CUL5: variants seen among roughly 807,000 people sequenced by gnomAD.
CUL5 encodes cullin-5.
Under a neutral mutation model 108.8 loss-of-function variants are expected in CUL5, and 26 were observed. The ratio of observed to expected loss-of-function variants is 0.24; its 90% CI spans 0.18 to 0.33. The LOEUF is 0.33. CUL5 is among the 10% of genes least tolerant of loss of function. The probability of loss-of-function intolerance (pLI) is 1.00; values close to 1 mark genes in which losing one functional copy is unlikely to be tolerated. For synonymous variants in CUL5, 334 were observed against 298.0 expected, an observed-to-expected ratio of 1.12 and a Z score of -1.25; for missense variants, 524 against 909.2, an observed-to-expected ratio of 0.58 and a Z score of 5.45.
chr11:108,101,444 G>A (rs541438749), intron 18 of CUL5, among the ~76,000 whole-genome samples: 5 of 152,338 alleles, frequency 3.3e-5, no homozygotes, highest in Admixed American at 1.3e-4. Context: ...GTTGCTAAGG[G>A]CCCCATGGCC....
intron 11 of CUL5, among the ~76,000 whole-genome samples, chr11:108,082,826 T>G (rs1246921881): frequency 6.6e-6 from 1 of 151,918 alleles, no homozygotes; most frequent in African/African-American, 2.4e-5. Flanking sequence ...AGGGTCTTGC[T>G]GTGTTGCCCA....
chr11:108,038,150 A>T (rs978160652), intron 2 of CUL5, among the ~76,000 whole-genome samples: 1 of 152,146 alleles, frequency 6.6e-6, no homozygotes, highest in Non-Finnish European at 1.5e-5. Context: ...ATGTATACAT[A>T]TATTTTTTGT....
At chr11:108,070,491 A>G (rs1479876025) in intron 8 of CUL5, among the ~76,000 whole-genome samples, 1 of 152,160 alleles carries the variant, frequency 6.6e-6, no homozygotes, top group Non-Finnish European at 1.5e-5. Context: ...AACTGGAAAC[A>G]TATGTTATAG....
At chr11:108,045,384 G>A (rs1311762996) in intron 2 of CUL5, among the ~76,000 whole-genome samples, 1 of 152,212 alleles carries the variant, frequency 6.6e-6, no homozygotes, top group Non-Finnish European at 1.5e-5. Flanking sequence ...TTGAGGATTT[G>A]AGTTCAAGCC....
At chr11:108,100,416 G>A (rs112509170) in intron 18 of CUL5, among the ~76,000 whole-genome samples, 2,420 of 152,198 alleles carry the variant, frequency 0.016, 74 homozygotes, top group African/African-American at 0.055. Flanking sequence ...GGTGGCGCAT[G>A]CCTGTAATCC....
At position 108,095,515 on chromosome 11, in the gene CUL5, T is replaced by G; in HGVS notation, c.1744-15T>G. 6.6e-7 allele frequency: 1 copy of G among 1,508,332 alleles called. No homozygotes were observed. Among genetic ancestry groups the G allele is most frequent in the Non-Finnish European group, 9.1e-7 (1 of 1,103,622 alleles). 93.4% of individuals were successfully genotyped at this position (1,508,332 alleles called of 1,614,324 possible). A position where few individuals can be genotyped will look rare whatever the true frequency, so the allele number is the denominator to read the frequency against. Reference sequence around the variant, plus strand: ...CATGAGATTCTTTATTAAAAATCTGTTTTATCTATTATAGATAACATTTAA... The same window carrying G: ...CATGAGATTCTTTATTAAAAATCTGGTTTATCTATTATAGATAACATTTAA... On this transcript the variant is annotated splice_polypyrimidine_tract_variant and intron_variant, in intron 15 of 18. Transcript: ENST00000393094.
At chr11:108,057,991 A>C (rs932688811) in intron 7 of CUL5, among the ~76,000 whole-genome samples, 3 of 151,996 alleles carry the variant, frequency 2.0e-5, no homozygotes, top group African/African-American at 7.2e-5. Flanking sequence ...CAGGCAGATC[A>C]TGTGGTCAGG....
Position 108,104,683 on chromosome 11 carries a change from T to G in CUL5, c.*299T>G. 4.9e-6 allele frequency: 1 copy of G among 202,680 alleles called. No individual in the cohort carries two copies. Among genetic ancestry groups the G allele is most frequent in the South Asian group, 1.9e-4 (1 of 5,390 alleles). 12.6% of individuals were successfully genotyped at this position (202,680 alleles called of 1,614,324 possible). A position where few individuals can be genotyped will look rare whatever the true frequency, so the allele number is the denominator to read the frequency against. On this transcript the variant is annotated 3_prime_UTR_variant, in exon 19 of 19. Coordinates refer to ENST00000393094, the MANE Select transcript of CUL5 (RefSeq NM_003478.6). Reference sequence around the variant, plus strand: ...TTTGTACCCACCAGGAGAAATACAGTTGGGAAGGGTGAGGGTGGGGTTCTT... The same window carrying G: ...TTTGTACCCACCAGGAGAAATACAGGTGGGAAGGGTGAGGGTGGGGTTCTT...
intron 13 of CUL5, 26 bp from the exon 14 acceptor site, chr11:108,094,365 C>G (rs760657137): frequency 6.5e-7 from 1 of 1,531,020 alleles, no homozygotes; most frequent in Non-Finnish European, 8.8e-7. Context: ...TTTATTACCT[C>G]TTCCTTCTTT....
intron 13 of CUL5, among the ~76,000 whole-genome samples, chr11:108,092,141 A>C (rs1401171691): frequency 6.6e-6 from 1 of 152,218 alleles, no homozygotes; most frequent in Non-Finnish European, 1.5e-5. Context: ...TTTCTCAAAA[A>C]CAAAAAAAAC....
Position 108,104,709 on chromosome 11 carries a change from G to A in CUL5, c.*325G>A, listed in dbSNP as rs1177913402. On this transcript the variant is annotated 3_prime_UTR_variant, in exon 19 of 19. Transcript: ENST00000393094. The stretch of plus-strand genomic sequence containing the variant: ...TGGGAAGGGTGAGGGTGGGGTTCTT[G>A]TTGCTTTTTTCTCTTTTTTCCTCTC... 5.6e-6 allele frequency: 1 copy of A among 178,860 alleles called. No homozygotes were observed. Among genetic ancestry groups the A allele is most frequent in the Non-Finnish European group, 1.2e-5 (1 of 85,868 alleles). The allele number at this position is 178,860 out of a possible 1,614,324, so 11.1% of individuals were successfully genotyped here.
In CUL5 at chr11:108,094,490, A is replaced by G; in HGVS notation, c.1543A>G (p.Lys515Glu). Residue 515 changes from lysine (K) to glutamate (E), a missense_variant, in exon 14 of 19, where the codon AAA (lysine) becomes GAA (glutamate). Transcript: ENST00000393094. ...GAACCAAGCTTTTAAGGAAATGCACAAAAATAATAAATTGGCATTACCAGG... is the reference window on the plus strand; with the variant it reads ...GAACCAAGCTTTTAAGGAAATGCACGAAAATAATAAATTGGCATTACCAGG... ...DLNQAFKEMHKNNKLALPADS... is the reference protein window; with the variant it reads ...DLNQAFKEMHENNKLALPADS... 6.8e-7 allele frequency: 1 copy of G among 1,473,200 alleles called. No individual in the cohort carries two copies. The allele number at this position is 1,473,200 out of a possible 1,614,324, so 91.3% of individuals were successfully genotyped here.
chr11:108,033,654 G>A (rs1862651697), intron 1 of CUL5, 148 bp from the exon 2 acceptor site: 5 of 571,458 alleles, frequency 8.7e-6, no homozygotes, highest in African/African-American at 1.9e-5. Context: ...CCTCAATAAC[G>A]GATTAAGCCT....
At chr11:108,068,633 A>T (rs1208769911) in intron 7 of CUL5, among the ~76,000 whole-genome samples, 1 of 152,142 alleles carries the variant, frequency 6.6e-6, no homozygotes, top group African/African-American at 2.4e-5. Context: ...TAATTTACAG[A>T]TAGATGATTT....
At chr11:108,093,272 A>G (rs1174596855) in intron 13 of CUL5, among the ~76,000 whole-genome samples, 1 of 148,484 alleles carries the variant, frequency 6.7e-6, no homozygotes, top group Non-Finnish European at 1.5e-5. Flanking sequence ...TGTAATTTGG[A>G]TGATCTTCTA....
intron 1 of CUL5, 70 bp downstream of exon 1, chr11:108,009,442 C>A: frequency 1.3e-6 from 2 of 1,547,364 alleles, no homozygotes; most frequent in Non-Finnish European, 1.8e-6. Context: ...AAAGGCACGG[C>A]TCAGGTTCAG....
chr11:108,077,962 C>A (rs1306797735), intron 10 of CUL5, among the ~76,000 whole-genome samples: 1 of 151,874 alleles, frequency 6.6e-6, no homozygotes, highest in Non-Finnish European at 1.5e-5. Flanking sequence ...AAAACAAAAC[C>A]AAACCAACAA....
intron 3 of CUL5, among the ~76,000 whole-genome samples, chr11:108,048,919 C>G (rs1319455433): frequency 6.6e-6 from 1 of 151,830 alleles, no homozygotes; most frequent in Non-Finnish European, 1.5e-5. Context: ...CCCGCCTTAG[C>G]CTCCCAAAGT....
In CUL5 at chr11:108,105,301, A is replaced by G; in HGVS notation, c.*917A>G. On this transcript the variant is annotated 3_prime_UTR_variant, in exon 19 of 19. Coordinates refer to ENST00000393094, the MANE Select transcript of CUL5 (RefSeq NM_003478.6). ...TATGCCATATCTGAATTTATTAAAA[A>G]CAACACAGAAATCTCCTGCTCTGAT... The G allele has an allele frequency of 6.6e-6, 1 of 152,270 alleles. No homozygotes were observed. The highest frequency in any genetic ancestry group is 6.5e-5 in the Admixed American group (1 of 15,272). The allele number at this position is 152,270 out of a possible 1,614,324, so 9.4% of individuals were successfully genotyped here. A position where few individuals can be genotyped will look rare whatever the true frequency, so the allele number is the denominator to read the frequency against.
Sources: gnomAD v4.1 joint callset for allele counts (sites outside exome capture counted in the v4.1 genomes callset) on GRCh38, gnomAD v4.1.1 for gene constraint, MANE v1.5 for transcripts, NCBI Gene and HGNC (gene_info 2026-07-23, HGNC 2026-07-21) for gene names.